JAK1: variants seen among roughly 807,000 people sequenced by gnomAD.
JAK1 encodes tyrosine-protein kinase JAK1.
JAK1 carries 16 observed loss-of-function variants against 136.6 expected under a neutral mutation model. The ratio of observed to expected loss-of-function variants is 0.12; its 90% CI spans 0.08 to 0.18. The LOEUF is 0.18. Ranked by LOEUF, JAK1 falls within the 10% of genes least tolerant of loss-of-function variation. The pLI, the probability that JAK1 is intolerant of heterozygous loss-of-function variation, is 1.00. For synonymous variants in JAK1, 492 were observed against 519.5 expected, an observed-to-expected ratio of 0.95 and a Z score of 0.72; for missense variants, 859 against 1,450.1, an observed-to-expected ratio of 0.59 and a Z score of 6.62.
intron 1 of JAK1, among the ~76,000 whole-genome samples, chr1:64,946,482 G>C (rs547780927): frequency 3.7e-4 from 57 of 152,286 alleles, no homozygotes; most frequent in African/African-American, 1.2e-3. Context: ...ATGCATCATA[G>C]TAAAAATTAA....
chr1:64,886,339 G>T lies in JAK1; in HGVS notation c.-75C>A. On this transcript the variant is annotated splice_region_variant and 5_prime_UTR_variant, in exon 2 of 25. Coordinates refer to ENST00000342505, the MANE Select transcript of JAK1 (RefSeq NM_002227.4). ...TACTTTCCAAAGCTACTTCAGAGAA[G>T]CGCTAAAGACAAAAATAAATAAATA... 6.6e-7 allele frequency: 1 copy of T among 1,520,152 alleles called. No homozygotes were observed. Among genetic ancestry groups the T allele is most frequent in the Admixed American group, 2.4e-5 (1 of 41,972 alleles). The allele number at this position is 1,520,152 out of a possible 1,614,324, so 94.2% of individuals were successfully genotyped here.
chr1:65,042,250 A>G (rs888555221), intron 2 of JAK1, among the ~76,000 whole-genome samples: 1 of 152,154 alleles, frequency 6.6e-6, no homozygotes, highest in Admixed American at 6.5e-5. Flanking sequence ...CATGGGGTAA[A>G]TGCAAATATT....
At position 64,878,561 on chromosome 1, in the gene JAK1, G is replaced by GTATATA. The variant is rs56881589; in HGVS notation, c.329+458_329+463dup. On this transcript the variant is annotated intron_variant, in intron 4 of 24. Transcript: ENST00000342505. ...ATCATGACCTTTATATATATAGTGTGTATATATATATATATATATATATAT... is the reference window on the plus strand; with the variant it reads ...ATCATGACCTTTATATATATAGTGTGTATATATATATATATATATATATATATATAT... Among the ~76,000 whole-genome samples, 208 of 119,874 alleles carry GTATATA rather than the reference G, an allele frequency of 1.7e-3. 1 individual carries two copies. The highest frequency in any genetic ancestry group is 2.7e-3 in the Non-Finnish European group (153 of 56,700). The allele number at this position is 119,874 out of a possible 152,430, so 78.6% of individuals were successfully genotyped here. A position where few individuals can be genotyped will look rare whatever the true frequency, so the allele number is the denominator to read the frequency against.
chr1:64,873,611 C>T (rs1036799907), intron 4 of JAK1, 88 bp from the exon 5 acceptor site: 66 of 1,507,848 alleles, frequency 4.4e-5, no homozygotes, highest in Non-Finnish European at 5.1e-5. Context: ...TGGTCAGTGC[C>T]GGAGGCTGAA....
chr1:64,834,455 G>C lies in JAK1; in HGVS notation c.*107C>G. On this transcript the variant is annotated 3_prime_UTR_variant, in exon 25 of 25. Coordinates refer to ENST00000342505, the MANE Select transcript of JAK1 (RefSeq NM_002227.4). ...GAAGTATGAGTTCAGTGACTTTTTG[G>C]ACAGAACACAAACTTCTTTCATTAG... is the stretch of plus-strand genomic sequence containing the variant. The C allele has an allele frequency of 1.4e-6, 1 of 736,994 alleles. No homozygotes were observed. 45.7% of individuals were successfully genotyped at this position (736,994 alleles called of 1,614,324 possible). A position where few individuals can be genotyped will look rare whatever the true frequency, so the allele number is the denominator to read the frequency against.
At chr1:65,018,497 C>CAA (rs1557760289) in intron 2 of JAK1, among the ~76,000 whole-genome samples, 57 of 151,322 alleles carry the variant, frequency 3.8e-4, no homozygotes, top group East Asian at 1.6e-3. Flanking sequence ...AACACACACA[C>CAA]ACACACACAC....
intron 7 of JAK1, among the ~76,000 whole-genome samples, chr1:64,865,787 T>C (rs1334028891): frequency 6.6e-6 from 1 of 152,158 alleles, no homozygotes; most frequent in African/African-American, 2.4e-5. Flanking sequence ...TTTGAGACAG[T>C]GTCTTGCTGT....
chr1:64,840,817 C>T (rs1654846560), intron 19 of JAK1, among the ~76,000 whole-genome samples: 3 of 151,460 alleles, frequency 2.0e-5, no homozygotes, highest in Non-Finnish European at 2.9e-5. Flanking sequence ...GGACACAGAG[C>T]GAGACCCTGT....
intron 2 of JAK1, among the ~76,000 whole-genome samples, chr1:65,011,388 A>G (rs1350956509): frequency 6.6e-6 from 1 of 152,122 alleles, no homozygotes; most frequent in East Asian, 1.9e-4. Flanking sequence ...AGGCAGGAGG[A>G]TCACTTGAGC....
intron 1 of JAK1, among the ~76,000 whole-genome samples, chr1:64,907,762 G>T: frequency 6.6e-6 from 1 of 152,090 alleles, no homozygotes; most frequent in East Asian, 1.9e-4. Flanking sequence ...TTTTATAGGT[G>T]GAGCCCCTGA....
chr1:65,065,075 C>T (rs1341873640), intron 1 of JAK1, among the ~76,000 whole-genome samples: 1 of 152,174 alleles, frequency 6.6e-6, no homozygotes, highest in African/African-American at 2.4e-5. Context: ...TCATTGTGTT[C>T]CTCCTGCAGC....
intron 22 of JAK1, among the ~76,000 whole-genome samples, chr1:64,837,182 T>TA (rs1245167350): frequency 1.3e-5 from 2 of 152,228 alleles, no homozygotes; most frequent in Non-Finnish European, 1.5e-5. Flanking sequence ...CCTAGCCTGT[T>TA]AAACTCTAAA....
chr1:65,065,553 T>A (rs1297454997), intron 1 of JAK1, among the ~76,000 whole-genome samples: 5 of 151,652 alleles, frequency 3.3e-5, no homozygotes, highest in Admixed American at 1.3e-4. Context: ...ATTATAAAGC[T>A]AGGAGGCTTT....
intron 12 of JAK1, among the ~76,000 whole-genome samples, chr1:64,848,261 GA>G (rs1034819368): frequency 5.9e-5 from 9 of 152,188 alleles, no homozygotes; most frequent in African/African-American, 9.7e-5. Flanking sequence ...CACACGGGGG[GA>G]TGCGTAGAAA....
intron 1 of JAK1, among the ~76,000 whole-genome samples, chr1:64,901,472 G>A (rs868821103): frequency 7.2e-5 from 11 of 152,032 alleles, no homozygotes; most frequent in African/African-American, 2.7e-4. Context: ...TGAGAGTTGC[G>A]TAGGCCTGGA....
At chr1:64,923,664 G>T (rs1645534540) in intron 1 of JAK1, among the ~76,000 whole-genome samples, 1 of 152,042 alleles carries the variant, frequency 6.6e-6, no homozygotes, top group Non-Finnish European at 1.5e-5. Context: ...GAAACCACCA[G>T]CCAAAAACAA....
chr1:64,886,281 T>C lies in JAK1; in HGVS notation c.-17A>G, dbSNP rs1474786883. Reference sequence around the variant, plus strand: ...TACCTGCATTTATTCAGCTGTCCAGTGTTCTCCAAGAAGCAAACTGGATTT... The same window carrying C: ...TACCTGCATTTATTCAGCTGTCCAGCGTTCTCCAAGAAGCAAACTGGATTT... On this transcript the variant is annotated 5_prime_UTR_variant, in exon 2 of 25. Transcript: ENST00000342505. 1.3e-6 allele frequency: 2 copies of C among 1,597,986 alleles called. No individual in the cohort carries two copies. Among genetic ancestry groups the C allele is most frequent in the Non-Finnish European group, 1.7e-6 (2 of 1,173,530 alleles).
chr1:64,856,120 C>A (rs1655914378), intron 10 of JAK1, among the ~76,000 whole-genome samples: 1 of 152,176 alleles, frequency 6.6e-6, no homozygotes, highest in African/African-American at 2.4e-5. Flanking sequence ...TATGATGGCA[C>A]AACTTCTCAA....
chr1:64,980,472 C>T (rs1229124700), intron 2 of JAK1, among the ~76,000 whole-genome samples: 1 of 151,270 alleles, frequency 6.6e-6, no homozygotes, highest in African/African-American at 2.4e-5. Flanking sequence ...TGCAGATTGC[C>T]CCCCAAAATT....
Sources: gnomAD v4.1 joint callset for allele counts (sites outside exome capture counted in the v4.1 genomes callset) on GRCh38, gnomAD v4.1.1 for gene constraint, MANE v1.5 for transcripts, NCBI Gene and HGNC (gene_info 2026-07-23, HGNC 2026-07-21) for gene names.